PACRG: variants seen among roughly 807,000 people sequenced by gnomAD.
PACRG encodes the protein parkin coregulated, also known as parkin coregulated gene protein.
A neutral mutation model predicts 29.7 loss-of-function variants in PACRG; 29 were observed. The observed-to-expected ratio is 0.98, with a 90% CI of 0.73 to 1.33. The LOEUF is 1.33. PACRG is among the 40% of genes most tolerant of loss of function. The pLI is 0.00. For missense variants in PACRG, 279 were observed against 316.2 expected, an observed-to-expected ratio of 0.88 and a Z score of 0.89; for synonymous variants, 116 against 118.7, an observed-to-expected ratio of 0.98 and a Z score of 0.15.
intron 3 of PACRG, among the ~76,000 whole-genome samples, chr6:163,079,021 C>CA (rs1812823863): frequency 1.3e-5 from 2 of 152,028 alleles, no homozygotes; most frequent in South Asian, 4.1e-4. Context: ...GACCGGATCC[C>CA]AGCTTGCTAC....
At chr6:163,180,499 C>T (rs2128353299) in intron 4 of PACRG, among the ~76,000 whole-genome samples, 1 of 152,250 alleles carries the variant, frequency 6.6e-6, no homozygotes, top group Admixed American at 6.5e-5. Context: ...CAGTGGCTCA[C>T]ACTTGTCATC....
At chr6:163,059,765 G>A (rs181601706) in intron 2 of PACRG, among the ~76,000 whole-genome samples, 9 of 152,096 alleles carry the variant, frequency 5.9e-5, no homozygotes, top group Non-Finnish European at 1.0e-4. Flanking sequence ...TCTTCCAGTC[G>A]CTTGAGGATC....
At chr6:162,964,438 A>G (rs923128365) in intron 2 of PACRG, among the ~76,000 whole-genome samples, 2 of 152,212 alleles carry the variant, frequency 1.3e-5, no homozygotes, top group Non-Finnish European at 2.9e-5. Context: ...TTTTCACTAA[A>G]GATGTGATTT....
intron 1 of PACRG, among the ~76,000 whole-genome samples, chr6:162,729,997 A>G (rs1451162926): frequency 6.6e-6 from 1 of 151,970 alleles, no homozygotes; most frequent in Non-Finnish European, 1.5e-5. Context: ...GCCATTGGAA[A>G]TCGTAATTCT....
At chr6:163,020,693 C>T (rs190646912) in intron 2 of PACRG, among the ~76,000 whole-genome samples, 5 of 152,110 alleles carry the variant, frequency 3.3e-5, no homozygotes, top group Middle Eastern at 3.4e-3. Context: ...GACAGATCAC[C>T]GAGAAAATCT....
chr6:163,075,288 G>A (rs992570922), intron 3 of PACRG, among the ~76,000 whole-genome samples: 1 of 152,030 alleles, frequency 6.6e-6, no homozygotes. Flanking sequence ...ATAGCTCAAG[G>A]CTCACATAGC....
chr6:162,997,491 G>A (rs1339864752), intron 2 of PACRG: 2 of 448,396 alleles, frequency 4.5e-6, no homozygotes, highest in Non-Finnish European at 8.9e-6. Flanking sequence ...AGCGAATCAT[G>A]TCTTCCAATG....
rs576798503 is a variant in PACRG, at chr6:163,219,720, C to T, written c.614-95107C>T. 9.9e-5 allele frequency among the ~76,000 whole-genome samples: 15 copies of T among 151,586 alleles called. No homozygotes were observed. The South Asian group carries it at 3.1e-3, about 32-fold the overall frequency. ...CACCTGCCTCCTCCTACAGCTCAGC[C>T]TGCCTTTCCCACCTGCCTCCTCCTG... On this transcript the variant is annotated intron_variant, in intron 4 of 4. Coordinates refer to ENST00000366888, the MANE Select transcript of PACRG (RefSeq NM_001080379.2).
chr6:162,907,789 C>A (rs1375403727), intron 2 of PACRG, among the ~76,000 whole-genome samples: 1 of 152,046 alleles, frequency 6.6e-6, no homozygotes, highest in Non-Finnish European at 1.5e-5. Flanking sequence ...AAAGCAAGTC[C>A]TAAAGTCTTC....
intron 2 of PACRG, among the ~76,000 whole-genome samples, chr6:163,005,133 A>C (rs926873954): frequency 7.9e-5 from 12 of 151,992 alleles, no homozygotes; most frequent in Non-Finnish European, 1.6e-4. Flanking sequence ...TTAATGTGGA[A>C]TCTGTAGTGG....
intron 2 of PACRG, among the ~76,000 whole-genome samples, chr6:162,942,642 T>A: frequency 6.6e-6 from 1 of 152,230 alleles, no homozygotes; most frequent in Admixed American, 6.5e-5. Context: ...TGAACATATT[T>A]GTCATAATTA....
chr6:163,189,369 A>T lies in PACRG; in HGVS notation c.613+99961A>T, dbSNP rs1232991706. The stretch of plus-strand genomic sequence containing the variant: ...TTAAGAATGTCTTCCAGGACAATTT[A>T]AAAAAAGAGAGAATTATCTTCTCTT... On this transcript the variant is annotated intron_variant, in intron 4 of 4. Transcript: ENST00000366888. The T allele has an allele frequency of 5.3e-5, 8 of 152,358 alleles. No individual in the cohort carries two copies. In the South Asian group the frequency reaches 6.2e-4, roughly 12 times the overall value. The allele number at this position is 152,358 out of a possible 1,614,324, so 9.4% of individuals were successfully genotyped here. A position where few individuals can be genotyped will look rare whatever the true frequency, so the allele number is the denominator to read the frequency against.
At chr6:163,270,641 G>A (rs1239293180) in intron 4 of PACRG, among the ~76,000 whole-genome samples, 12 of 151,946 alleles carry the variant, frequency 7.9e-5, no homozygotes, top group Non-Finnish European at 1.0e-4. Flanking sequence ...CCAAAGTGCC[G>A]GGATTACAGG....
intron 2 of PACRG, among the ~76,000 whole-genome samples, chr6:162,897,277 A>G (rs1326195757): frequency 5.9e-5 from 9 of 152,248 alleles, no homozygotes; most frequent in South Asian, 2.1e-4. Flanking sequence ...TAGATCAACT[A>G]TGCTGCTGGA....
In PACRG at chr6:163,271,118, T is replaced by C. The variant is rs1470745427; in HGVS notation, c.614-43709T>C. Among the ~76,000 whole-genome samples, 3 of 152,130 alleles carry C rather than the reference T, an allele frequency of 2.0e-5. No homozygotes were observed. In the East Asian group the frequency reaches 5.8e-4, roughly 29 times the overall value. ...TCCAAGAGTCCCAAAGCTGAAGAAC[T>C]TGGAGTCTGATGTTCTAGGGCAGGA... On this transcript the variant is annotated intron_variant, in intron 4 of 4. Coordinates refer to ENST00000366888, the MANE Select transcript of PACRG (RefSeq NM_001080379.2).
chr6:163,057,287 T>C (rs538615618), intron 2 of PACRG, among the ~76,000 whole-genome samples: 1 of 152,344 alleles, frequency 6.6e-6, no homozygotes, highest in South Asian at 2.1e-4. Context: ...TTTTGGTCTC[T>C]AGTTTCCCCG....
intron 4 of PACRG, chr6:163,095,326 C>T: frequency 1.0e-6 from 1 of 985,230 alleles, no homozygotes; most frequent in East Asian, 1.1e-4. Context: ...ATGTGCTCTT[C>T]TCTGTAGACC....
At position 163,246,355 on chromosome 6, in the gene PACRG, G is replaced by A. The variant is rs115311985; in HGVS notation, c.614-68472G>A. ...CTCCTTCTTCTGCCTGGACACTCTCGCCCTGGTTCTGCGCATGGCTCCTTT... is the reference window on the plus strand; with the variant it reads ...CTCCTTCTTCTGCCTGGACACTCTCACCCTGGTTCTGCGCATGGCTCCTTT... On this transcript the variant is annotated intron_variant, in intron 4 of 4. Transcript: ENST00000366888. Among the ~76,000 whole-genome samples the A allele has an allele frequency of 5.7e-3, 873 of 152,104 alleles. 10 individuals are homozygous for A. The highest frequency in any genetic ancestry group is 0.02 in the African/African-American group (843 of 41,480).
intron 4 of PACRG, among the ~76,000 whole-genome samples, chr6:163,214,348 A>G (rs1235499596): frequency 1.3e-5 from 2 of 152,116 alleles, no homozygotes; most frequent in African/African-American, 2.4e-5. Flanking sequence ...ACAGTTTTCC[A>G]AGATATTCTC....
Sources: gnomAD v4.1 joint callset for allele counts (sites outside exome capture counted in the v4.1 genomes callset) on GRCh38, gnomAD v4.1.1 for gene constraint, MANE v1.5 for transcripts, NCBI Gene and HGNC (gene_info 2026-07-23, HGNC 2026-07-21) for gene names.